Variants in ARHGAP15 observed in about 807,000 individuals in gnomAD.
ARHGAP15 encodes the protein Rho GTPase activating protein 15.
In ARHGAP15, 51 loss-of-function variants were observed where a neutral mutation model predicts 63.7. The observed-to-expected ratio is 0.80, with a 90% CI of 0.64 to 1.01. ARHGAP15 has a LOEUF of 1.01. Ranked by LOEUF, ARHGAP15 falls within the 50% of genes least tolerant of loss-of-function variation. The probability of loss-of-function intolerance (pLI) is 0.00; values close to 1 mark genes in which losing one functional copy is unlikely to be tolerated. For missense variants in ARHGAP15, 560 were observed against 564.6 expected, an observed-to-expected ratio of 0.99 and a Z score of 0.08; for synonymous variants, 191 against 193.8, an observed-to-expected ratio of 0.99 and a Z score of 0.12.
intron 2 of ARHGAP15, among the ~76,000 whole-genome samples, chr2:143,179,015 C>T (rs1041319444): frequency 6.6e-6 from 1 of 152,202 alleles, no homozygotes; most frequent in Non-Finnish European, 1.5e-5. Flanking sequence ...GAGAAATGCT[C>T]ATTTGCTGCC....
At chr2:143,158,928 T>G (rs1690186305) in intron 2 of ARHGAP15, among the ~76,000 whole-genome samples, 1 of 151,932 alleles carries the variant, frequency 6.6e-6, no homozygotes, top group South Asian at 2.1e-4. Context: ...AGAGAGATGC[T>G]CCTGCCTAAT....
chr2:143,729,023 G>T (rs771243963), intron 13 of ARHGAP15, among the ~76,000 whole-genome samples: 11 of 152,132 alleles, frequency 7.2e-5, no homozygotes, highest in African/African-American at 1.7e-4. Flanking sequence ...AGTTTCCTCC[G>T]CGATGTACCA....
At chr2:143,313,956 C>CT (rs35253811) in intron 6 of ARHGAP15, among the ~76,000 whole-genome samples, 81,460 of 146,622 alleles carry the variant, frequency 0.56, 23,520 homozygotes, top group African/African-American at 0.74. Context: ...GAGGAGAGGG[C>CT]TTTTTTTTTT....
At chr2:143,337,438 A>C (rs1684854294) in intron 6 of ARHGAP15, among the ~76,000 whole-genome samples, 3 of 152,198 alleles carry the variant, frequency 2.0e-5, no homozygotes, top group African/African-American at 2.4e-5. Flanking sequence ...TATATGACAA[A>C]TATGTCAAAT....
intron 13 of ARHGAP15, among the ~76,000 whole-genome samples, chr2:143,718,265 G>A (rs1374715119): frequency 1.3e-5 from 2 of 152,156 alleles, no homozygotes; most frequent in Non-Finnish European, 2.9e-5. Context: ...ACCCACACTT[G>A]ACTTTGAAGC....
chr2:143,182,682 T>A (rs917646772), intron 2 of ARHGAP15, among the ~76,000 whole-genome samples: 1 of 152,098 alleles, frequency 6.6e-6, no homozygotes, highest in Non-Finnish European at 1.5e-5. Context: ...GTAAGGCAAA[T>A]GTTTGAGGGT....
At chr2:143,617,625 CTA>C (rs1698498948) in intron 11 of ARHGAP15, among the ~76,000 whole-genome samples, 1 of 152,128 alleles carries the variant, frequency 6.6e-6, no homozygotes, top group South Asian at 2.1e-4. Context: ...CATAGTCACA[CTA>C]TGAAATATTG....
intron 6 of ARHGAP15, among the ~76,000 whole-genome samples, chr2:143,349,609 CT>C (rs1685468538): frequency 6.6e-6 from 1 of 152,160 alleles, no homozygotes; most frequent in East Asian, 1.9e-4. Context: ...CATAACTAGA[CT>C]TTCATGTAAA....
intron 12 of ARHGAP15, among the ~76,000 whole-genome samples, chr2:143,643,884 T>C (rs1680736095): frequency 6.6e-6 from 1 of 152,104 alleles, no homozygotes; most frequent in Non-Finnish European, 1.5e-5. Context: ...GCTGTGTTGA[T>C]GAGTTGTTTT....
At chr2:143,478,927 A>T (rs1691949881) in intron 8 of ARHGAP15, among the ~76,000 whole-genome samples, 1 of 152,228 alleles carries the variant, frequency 6.6e-6, no homozygotes, top group Non-Finnish European at 1.5e-5. Flanking sequence ...ACATTATAGC[A>T]TATTCTTTAC....
chr2:143,548,349 T>A (rs959233401), intron 10 of ARHGAP15, among the ~76,000 whole-genome samples: 10 of 152,080 alleles, frequency 6.6e-5, no homozygotes, highest in Admixed American at 2.0e-4. Context: ...TTCTTCTTAG[T>A]ATATATGTAT....
chr2:143,280,916 AAAG>A (rs766617466), intron 6 of ARHGAP15, among the ~76,000 whole-genome samples: 1 of 152,186 alleles, frequency 6.6e-6, no homozygotes, highest in Non-Finnish European at 1.5e-5. Context: ...ACAAATGCAA[AAAG>A]AACACCCCTA....
chr2:143,346,601 A>G (rs563763492), intron 6 of ARHGAP15, among the ~76,000 whole-genome samples: 127 of 152,250 alleles, frequency 8.3e-4, no homozygotes, highest in Non-Finnish European at 1.4e-3. Flanking sequence ...GGCACCGACC[A>G]AAATGTTGAT....
At position 143,573,121 on chromosome 2, in the gene ARHGAP15, TG is replaced by T. The variant is rs1180559933; in HGVS notation, c.1003+16638del. Among the ~76,000 whole-genome samples the T allele has an allele frequency of 3.9e-5, 6 of 152,312 alleles. No individual in the cohort carries two copies. In the East Asian group the frequency reaches 1.2e-3, roughly 29 times the overall value. ...GCTTCATGACTCAAAAGTCTGTAAC[TG>T]GTATTAATGAACTTTTAAAATGCTA... On this transcript the variant is annotated intron_variant, in intron 11 of 13. Coordinates refer to ENST00000295095, the MANE Select transcript of ARHGAP15 (RefSeq NM_018460.4).
At position 143,690,644 on chromosome 2, in the gene ARHGAP15, T is replaced by G. The variant is rs1029087617; in HGVS notation, c.1139-12775T>G. Among the ~76,000 whole-genome samples the G allele has an allele frequency of 3.9e-5, 6 of 152,186 alleles. No individual in the cohort carries two copies. In the South Asian group the frequency reaches 1.2e-3, roughly 32 times the overall value. ...TATTATTTTTTCCATTTGGGGAAAT[T>G]TTTTTTCACTATCTAAACCACACCT... On this transcript the variant is annotated intron_variant, in intron 12 of 13. Coordinates refer to ENST00000295095, the MANE Select transcript of ARHGAP15 (RefSeq NM_018460.4).
At chr2:143,280,356 C>A (rs1558863468) in intron 6 of ARHGAP15, among the ~76,000 whole-genome samples, 1 of 152,010 alleles carries the variant, frequency 6.6e-6, no homozygotes, top group Non-Finnish European at 1.5e-5. Context: ...AAAGCCTTTA[C>A]CTTGCCGGAG....
Position 143,642,780 on chromosome 2 carries a change from A to G in ARHGAP15, c.1138+18513A>G, listed in dbSNP as rs1040775134. Among the ~76,000 whole-genome samples, 10 of 152,148 alleles carry G rather than the reference A, an allele frequency of 6.6e-5. 1 individual carries two copies. The highest frequency in any genetic ancestry group is 5.2e-4 in the Admixed American group (8 of 15,264). On this transcript the variant is annotated intron_variant, in intron 12 of 13. Transcript: ENST00000295095. ...TTCATGAAGGAGGCATTAAGAGTAT[A>G]TGGAGTTTGGAGAGCCAGCCAGGGA... is the stretch of plus-strand genomic sequence containing the variant.
At chr2:143,281,277 C>A (rs1232499681) in intron 6 of ARHGAP15, among the ~76,000 whole-genome samples, 1 of 152,016 alleles carries the variant, frequency 6.6e-6, no homozygotes, top group Admixed American at 6.6e-5. Flanking sequence ...CAAAATACAT[C>A]AAATATATAC....
At chr2:143,494,496 A>T (rs1342006926) in intron 9 of ARHGAP15, among the ~76,000 whole-genome samples, 1 of 152,204 alleles carries the variant, frequency 6.6e-6, no homozygotes, top group African/African-American at 2.4e-5. Flanking sequence ...GATATTTTTT[A>T]AAAGCTATCT....
Sources: allele counts gnomAD v4.1 joint callset (sites outside exome capture counted in the v4.1 genomes callset), GRCh38; gene constraint gnomAD v4.1.1; transcripts MANE v1.5; gene names NCBI Gene and HGNC (gene_info 2026-07-23, HGNC 2026-07-21).